Variants in MAPK10 observed in about 807,000 individuals in gnomAD.
The protein encoded by MAPK10 is mitogen-activated protein kinase 10, also known as JNK3 alpha protein kinase.
A neutral mutation model predicts 59.3 loss-of-function variants in MAPK10; 25 were observed. The ratio of observed to expected loss-of-function variants is 0.42; its 90% CI spans 0.31 to 0.59. The LOEUF (loss-of-function observed/expected upper bound fraction) is 0.59, where lower values mean the gene tolerates loss of function less well. Among genes scored for constraint, MAPK10 ranks in the 20% least tolerant of loss-of-function variants. The probability of loss-of-function intolerance (pLI) is 0.15; values close to 1 mark genes in which losing one functional copy is unlikely to be tolerated. For missense variants in MAPK10, 351 were observed against 568.9 expected (o/e 0.62, Z 3.90); for synonymous variants, 190 against 200.5 (o/e 0.95, Z 0.44).
rs2051703218 is a variant in MAPK10 at position 86,011,369 on chromosome 4, C to A, written c.*5859G>T. The A allele has an allele frequency of 6.6e-6, 1 of 152,174 alleles. No homozygotes were observed. Among genetic ancestry groups the A allele is most frequent in the Admixed American group, 6.5e-5 (1 of 15,270 alleles). 9.4% of individuals were successfully genotyped at this position (152,174 alleles called of 1,614,324 possible). On this transcript the variant is annotated 3_prime_UTR_variant, in exon 14 of 14. Coordinates refer to ENST00000641462, the MANE Select transcript of MAPK10 (RefSeq NM_138982.4). ...GACATGTTACAAATACAAAACACCA[C>A]CATGATGAATTGGGAATGTCAAAAA...
intron 1 of MAPK10, among the ~76,000 whole-genome samples, chr4:86,402,808 T>C (rs1743890742): frequency 6.6e-6 from 1 of 152,112 alleles, no homozygotes; most frequent in South Asian, 2.1e-4. Context: ...GGTCCAGATA[T>C]CCCAGAAACA....
intron 1 of MAPK10, among the ~76,000 whole-genome samples, chr4:86,393,876 G>A (rs750535316): frequency 7.2e-5 from 11 of 152,188 alleles, no homozygotes; most frequent in Non-Finnish European, 1.6e-4. Context: ...CACATAAGGT[G>A]AAGTACCTCT....
intron 2 of MAPK10, among the ~76,000 whole-genome samples, chr4:86,218,568 CAAAAAAAA>C (rs11330422): frequency 1.0e-5 from 1 of 95,452 alleles, no homozygotes; most frequent in Non-Finnish European, 2.3e-5. Context: ...AAGACTTAAG[CAAAAAAAA>C]AAAAAAAAAA....
At chr4:86,037,376 C>T (rs1345773473) in intron 11 of MAPK10, among the ~76,000 whole-genome samples, 2 of 151,974 alleles carry the variant, frequency 1.3e-5, no homozygotes, top group South Asian at 2.1e-4. Context: ...AAAAATTAGC[C>T]GGGCATTGTG....
intron 2 of MAPK10, among the ~76,000 whole-genome samples, chr4:86,215,890 T>C (rs2087390492): frequency 6.6e-6 from 1 of 152,146 alleles, no homozygotes; most frequent in Non-Finnish European, 1.5e-5. Flanking sequence ...AGTATTCAAG[T>C]TACCATCTCA....
chr4:86,426,521 A>G (rs1747298712), intron 1 of MAPK10, among the ~76,000 whole-genome samples: 1 of 152,232 alleles, frequency 6.6e-6, no homozygotes, highest in Non-Finnish European at 1.5e-5. Flanking sequence ...ATAAATTTGC[A>G]TTTAGATTCC....
intron 2 of MAPK10, among the ~76,000 whole-genome samples, chr4:86,259,818 T>C (rs1157698453): frequency 6.6e-6 from 1 of 152,106 alleles, no homozygotes; most frequent in Non-Finnish European, 1.5e-5. Flanking sequence ...TTAACCAAGA[T>C]GATCACAGTT....
At chr4:86,404,844 T>C (rs1156593939) in intron 1 of MAPK10, among the ~76,000 whole-genome samples, 1 of 152,182 alleles carries the variant, frequency 6.6e-6, no homozygotes, top group East Asian at 1.9e-4. Flanking sequence ...GCTCCTGCTT[T>C]GCAGACAGGC....
In MAPK10 at chr4:86,272,609, C is replaced by A. The variant is rs75103386; in HGVS notation, c.-6-78202G>T. Among the ~76,000 whole-genome samples the A allele has an allele frequency of 5.0e-3, 764 of 151,978 alleles. 8 individuals are homozygous for A. Among genetic ancestry groups the A allele is most frequent in the African/African-American group, 0.017 (723 of 41,486 alleles). ...TAAGATCAGCACTTCAAAATCAATT[C>A]TTTTCATTTACACTTTGCCAGCCTT... On this transcript the variant is annotated intron_variant, in intron 2 of 13. Transcript: ENST00000641462.
intron 1 of MAPK10, among the ~76,000 whole-genome samples, chr4:86,420,989 G>A (rs1746455324): frequency 6.6e-6 from 1 of 151,950 alleles, no homozygotes; most frequent in African/African-American, 2.4e-5. Flanking sequence ...GGCTGAGGCA[G>A]GAGAATCGCT....
chr4:86,080,372 C>A (rs1428019059), intron 9 of MAPK10: 2 of 150,884 alleles, frequency 1.3e-5, no homozygotes, highest in Admixed American at 1.3e-4. Context: ...GACTATTACA[C>A]TGACAACTCT....
intron 4 of MAPK10, among the ~76,000 whole-genome samples, chr4:86,152,974 A>AT (rs2066849054): frequency 1.3e-5 from 2 of 152,218 alleles, no homozygotes; most frequent in Non-Finnish European, 2.9e-5. Context: ...GTGCTAGATT[A>AT]ACTTGTTAGA....
chr4:86,297,888 A>T (rs1037453704), intron 2 of MAPK10, among the ~76,000 whole-genome samples: 3 of 152,218 alleles, frequency 2.0e-5, no homozygotes, highest in African/African-American at 7.2e-5. Context: ...AAGATGGCAT[A>T]GAAGATCTCT....
Position 86,014,301 on chromosome 4 carries a change from GGGGTGTGTGTGT to G in MAPK10, c.*2915_*2926del, listed in dbSNP as rs1310875905. On this transcript the variant is annotated 3_prime_UTR_variant, in exon 14 of 14. Transcript: ENST00000641462. ...ACAGGTGACTATTTAAGAAATATTT[GGGGTGTGTGTGT>G]GTGTGTGTGTGTGTGTGTGTGTGTG... 6.8e-5 allele frequency: 7 copies of G among 103,460 alleles called. No individual in the cohort carries two copies. Among genetic ancestry groups the G allele is most frequent in the Non-Finnish European group, 1.2e-4 (6 of 49,152 alleles). The allele number at this position is 103,460 out of a possible 1,614,324, so 6.4% of individuals were successfully genotyped here. A position where few individuals can be genotyped will look rare whatever the true frequency, so the allele number is the denominator to read the frequency against.
At chr4:86,428,346 A>G (rs1019334181) in intron 1 of MAPK10, among the ~76,000 whole-genome samples, 4 of 151,940 alleles carry the variant, frequency 2.6e-5, no homozygotes, top group African/African-American at 9.7e-5. Flanking sequence ...TTTTGTGGAG[A>G]CAAGGTTTCA....
At chr4:86,262,657 T>G (rs930781171) in intron 2 of MAPK10, among the ~76,000 whole-genome samples, 4 of 152,142 alleles carry the variant, frequency 2.6e-5, no homozygotes, top group Non-Finnish European at 5.9e-5. Flanking sequence ...ATTAATTAAT[T>G]AATGAGTGAA....
At chr4:86,287,275 C>A (rs1191470740) in intron 2 of MAPK10, among the ~76,000 whole-genome samples, 6 of 152,152 alleles carry the variant, frequency 3.9e-5, no homozygotes, top group Non-Finnish European at 7.3e-5. Context: ...AATAAAAACA[C>A]TGTAATTCTA....
chr4:86,368,395 G>C (rs1003949452), intron 1 of MAPK10, among the ~76,000 whole-genome samples: 6 of 152,122 alleles, frequency 3.9e-5, no homozygotes, highest in African/African-American at 1.2e-4. Context: ...TTACATTAGG[G>C]TTCATTCTTT....
chr4:86,425,067 G>A (rs1031743921), intron 1 of MAPK10, among the ~76,000 whole-genome samples: 6 of 152,146 alleles, frequency 3.9e-5, no homozygotes, highest in African/African-American at 1.4e-4. Flanking sequence ...AACCAGCAAG[G>A]AGATAGAGGA....
Sources: gnomAD v4.1 joint callset for allele counts (sites outside exome capture counted in the v4.1 genomes callset) on GRCh38, gnomAD v4.1.1 for gene constraint, MANE v1.5 for transcripts, NCBI Gene and HGNC (gene_info 2026-07-23, HGNC 2026-07-21) for gene names.